Variants in CDH18 observed in about 807,000 individuals in gnomAD.
CDH18 encodes the protein cadherin-18.
Under a neutral mutation model 67.9 loss-of-function variants are expected in CDH18, and 31 were observed. That is an observed-to-expected ratio of 0.46 (90% confidence interval 0.34 to 0.62). The LOEUF is 0.62. Among genes scored for constraint, CDH18 ranks in the 20% least tolerant of loss-of-function variants. CDH18 has a pLI of 0.01. For synonymous variants in CDH18, 362 were observed against 347.2 expected (o/e 1.04, Z -0.48); for missense variants, 890 against 975.5 (o/e 0.91, Z 1.17).
chr5:19,986,433 T>G (rs1443245306), intron 1 of CDH18, among the ~76,000 whole-genome samples: 11 of 152,340 alleles, frequency 7.2e-5, no homozygotes, highest in Non-Finnish European at 1.0e-4. Flanking sequence ...ATGCTCATTT[T>G]CTACCTCCCA....
chr5:20,059,934 A>G (rs1000441497), intron 2 of CDH18, among the ~76,000 whole-genome samples: 1 of 144,724 alleles, frequency 6.9e-6, no homozygotes, highest in Non-Finnish European at 1.5e-5. Flanking sequence ...ATGAGAACAC[A>G]TGGACACAGG....
chr5:20,312,622 G>T (rs1737096807), intron 1 of CDH18, among the ~76,000 whole-genome samples: 1 of 152,028 alleles, frequency 6.6e-6, no homozygotes, highest in Admixed American at 6.6e-5. Flanking sequence ...CTTGAAAACT[G>T]CCCAGGTCTT....
At chr5:20,265,643 T>C (rs762769794) in intron 1 of CDH18, among the ~76,000 whole-genome samples, 2 of 152,092 alleles carry the variant, frequency 1.3e-5, no homozygotes, top group African/African-American at 4.8e-5. Context: ...CATTCTGATA[T>C]ACTTATGCAT....
At chr5:19,566,589 A>T (rs931948855) in intron 8 of CDH18, among the ~76,000 whole-genome samples, 1 of 152,158 alleles carries the variant, frequency 6.6e-6, no homozygotes, top group South Asian at 2.1e-4. Context: ...TAAAACCATC[A>T]TATCTTGTGA....
At chr5:20,070,164 T>C (rs1353787351) in intron 2 of CDH18, among the ~76,000 whole-genome samples, 1 of 152,220 alleles carries the variant, frequency 6.6e-6, no homozygotes, top group Non-Finnish European at 1.5e-5. Flanking sequence ...AAACACAGAT[T>C]GGCTTATTTC....
At chr5:19,746,344 A>C (rs1769994203) in intron 4 of CDH18, among the ~76,000 whole-genome samples, 1 of 152,210 alleles carries the variant, frequency 6.6e-6, no homozygotes, top group African/African-American at 2.4e-5. Context: ...GAATTTGCAA[A>C]AGTGACTTAA....
intron 7 of CDH18, among the ~76,000 whole-genome samples, chr5:19,587,581 G>GTCAAAGA (rs1744381552): frequency 6.6e-6 from 1 of 151,662 alleles, no homozygotes. Context: ...TGTCAGGTTT[G>GTCAAAGA]TCAAAGATCA....
intron 2 of CDH18, among the ~76,000 whole-genome samples, chr5:20,055,803 C>T (rs1741845648): frequency 6.6e-6 from 1 of 151,972 alleles, no homozygotes. Context: ...TTTACATTTT[C>T]ATTGTTATCA....
chr5:19,560,422 G>A (rs394241), intron 8 of CDH18, among the ~76,000 whole-genome samples: 15,094 of 151,932 alleles, frequency 0.099, 1,040 homozygotes, highest in African/African-American at 0.19. Context: ...AAGATACCCA[G>A]TTCAACAAAT....
At chr5:19,596,823 G>A (rs1746249884) in intron 6 of CDH18, among the ~76,000 whole-genome samples, 1 of 152,144 alleles carries the variant, frequency 6.6e-6, no homozygotes, top group African/African-American at 2.4e-5. Flanking sequence ...AAACAAAGGA[G>A]TGCATTAAGA....
intron 2 of CDH18, among the ~76,000 whole-genome samples, chr5:20,138,101 A>G (rs892609646): frequency 6.6e-6 from 1 of 152,128 alleles, no homozygotes; most frequent in Admixed American, 6.6e-5. Context: ...CAGCACATCA[A>G]AAAGCTTATC....
rs551888476 is a variant in CDH18 at position 20,351,703 on chromosome 5, G to A, written c.-579-96198C>T. Reference sequence around the variant, plus strand: ...GATATGAATGTCCATTGTGAAAACAGAGAACTCCCGTGGCTGTGGATGGCA... The same window carrying A: ...GATATGAATGTCCATTGTGAAAACAAAGAACTCCCGTGGCTGTGGATGGCA... On this transcript the variant is annotated intron_variant, in intron 1 of 14. Coordinates refer to the CDH18 transcript ENST00000507958. Among the ~76,000 whole-genome samples, 26 of 152,212 alleles carry A rather than the reference G, an allele frequency of 1.7e-4. 1 individual carries two copies. The highest frequency in any genetic ancestry group is 6.3e-4 in the African/African-American group (26 of 41,536).
chr5:19,943,850 T>C (rs1011550102), intron 2 of CDH18, among the ~76,000 whole-genome samples: 3 of 152,124 alleles, frequency 2.0e-5, no homozygotes, highest in African/African-American at 7.2e-5. Flanking sequence ...ATCTTATTAT[T>C]TGATAATTTA....
intron 11 of CDH18, among the ~76,000 whole-genome samples, chr5:19,489,864 AGAG>A (rs1270005357): frequency 3.3e-5 from 5 of 152,192 alleles, no homozygotes; most frequent in Non-Finnish European, 7.4e-5. Flanking sequence ...GTTAATTTAA[AGAG>A]GAGGGAAATG....
At chr5:20,091,699 T>G (rs990442822) in intron 2 of CDH18, among the ~76,000 whole-genome samples, 3 of 152,128 alleles carry the variant, frequency 2.0e-5, no homozygotes, top group Admixed American at 6.6e-5. Flanking sequence ...AAAAATTAAC[T>G]TATAAATAAA....
At chr5:20,193,372 C>T (rs1284799428) in intron 2 of CDH18, among the ~76,000 whole-genome samples, 2 of 151,984 alleles carry the variant, frequency 1.3e-5, no homozygotes, top group Admixed American at 1.3e-4. Context: ...TACACCCCAT[C>T]CAGACTAAAC....
chr5:20,090,540 C>T (rs1276763864), intron 2 of CDH18, among the ~76,000 whole-genome samples: 6 of 151,630 alleles, frequency 4.0e-5, no homozygotes, highest in African/African-American at 1.5e-4. Context: ...GTCTCAAAAA[C>T]CAAAGACCAA....
At chr5:19,855,246 T>C (rs1394233870) in intron 2 of CDH18, among the ~76,000 whole-genome samples, 1 of 152,108 alleles carries the variant, frequency 6.6e-6, no homozygotes, top group Admixed American at 6.6e-5. Context: ...TGATTTAAAA[T>C]GAATCACCTT....
At chr5:20,169,959 T>A (rs1046153761) in intron 2 of CDH18, among the ~76,000 whole-genome samples, 1 of 152,064 alleles carries the variant, frequency 6.6e-6, no homozygotes, top group South Asian at 2.1e-4. Context: ...AAACAATAAG[T>A]TTTTAAAGTA....
Sources: gnomAD v4.1 joint callset for allele counts (sites outside exome capture counted in the v4.1 genomes callset) on GRCh38, gnomAD v4.1.1 for gene constraint, MANE v1.5 for transcripts, NCBI Gene and HGNC (gene_info 2026-07-23, HGNC 2026-07-21) for gene names.